CPSF7: variants seen among roughly 807,000 people sequenced by gnomAD.
CPSF7 encodes cleavage and polyadenylation specific factor 7.
Under a neutral mutation model 44.3 loss-of-function variants are expected in CPSF7, and 1 was observed. The ratio of observed to expected loss-of-function variants is 0.02; its 90% CI spans 0.01 to 0.11. The LOEUF is 0.11. Among genes scored for constraint, CPSF7 ranks in the 10% least tolerant of loss-of-function variants. The pLI is 1.00. For missense variants in CPSF7, 443 were observed against 607.2 expected, an observed-to-expected ratio of 0.73 and a Z score of 2.84; for synonymous variants, 202 against 222.0, an observed-to-expected ratio of 0.91 and a Z score of 0.80.
chr11:61,415,926 T>G, intron 6 of CPSF7, 142 bp from the exon 7 acceptor site: 1 of 840,006 alleles, frequency 1.2e-6, no homozygotes, highest in Non-Finnish European at 1.9e-6. Context: ...CGCATTTAAT[T>G]AAGCACCTTA....
intron 2 of CPSF7, chr11:61,426,682 G>A (rs1440959645): frequency 2.0e-5 from 3 of 152,122 alleles, no homozygotes; most frequent in Admixed American, 2.0e-4. Context: ...GAAATGAATG[G>A]CACTATTATC....
intron 1 of CPSF7, 186 bp from the exon 2 acceptor site, chr11:61,429,476 T>G: frequency 4.1e-6 from 2 of 489,794 alleles, no homozygotes; most frequent in Non-Finnish European, 7.0e-6. Context: ...CGGGGGTCGC[T>G]GCCCATCACC....
chr11:61,428,946 T>C (rs1380605660), intron 2 of CPSF7: 2 of 342,856 alleles, frequency 5.8e-6, no homozygotes, highest in African/African-American at 4.2e-5. Flanking sequence ...ACCATTCTAT[T>C]ACACCTGCTT....
intron 9 of CPSF7, among the ~76,000 whole-genome samples, chr11:61,408,724 CCTGT>C (rs1274606146): frequency 6.6e-6 from 1 of 152,156 alleles, no homozygotes; most frequent in East Asian, 1.9e-4. Flanking sequence ...CAATATGGAG[CCTGT>C]CTAAGAATGA....
chr11:61,418,683 T>G (rs1486370282), intron 5 of CPSF7, among the ~76,000 whole-genome samples: 2 of 151,958 alleles, frequency 1.3e-5, no homozygotes, highest in African/African-American at 4.8e-5. Flanking sequence ...TTGGGGAAAC[T>G]GTCCTCAAAC....
chr11:61,419,917 C>T (rs750416578), intron 5 of CPSF7, 32 bp downstream of exon 5: 11 of 1,610,582 alleles, frequency 6.8e-6, no homozygotes, highest in Non-Finnish European at 7.6e-6. Flanking sequence ...ATGGTCTCCA[C>T]GTACCCCCTC....
At position 61,411,894 on chromosome 11, in the gene CPSF7, C is replaced by T. The variant is rs770226551; in HGVS notation, c.1101G>A (p.Ala367=). 38 of 1,614,070 alleles carry T rather than the reference C, an allele frequency of 2.4e-5. No individual in the cohort carries two copies. The highest frequency in any genetic ancestry group is 1.8e-4 in the South Asian group (16 of 91,086). Residue 367 remains alanine (A), a synonymous_variant, in exon 8 of 10, where the codon GCG becomes GCA. Transcript: ENST00000439958. The part of the protein sequence containing the change: ...DAIETLLTAI[A]VIKQSRVAND... ...TGGCAACCCGGGACTGTTTGATAAC[C>T]GCAATGGCTGTGAGCAGCGTCTCAA...
intron 6 of CPSF7, 66 bp from the exon 7 acceptor site, chr11:61,415,850 A>G: frequency 8.3e-7 from 1 of 1,205,990 alleles, no homozygotes. Context: ...ACTCTACAAC[A>G]CTTTGGTAAT....
intron 8 of CPSF7, 128 bp from the exon 9 acceptor site, chr11:61,411,233 G>A: frequency 1.1e-6 from 1 of 913,634 alleles, no homozygotes; most frequent in African/African-American, 1.7e-5. Flanking sequence ...CCTGCTGTCT[G>A]AGGATTTTAG....
intron 2 of CPSF7, chr11:61,426,619 A>C (rs898050734): frequency 6.6e-6 from 1 of 152,186 alleles, no homozygotes; most frequent in Non-Finnish European, 1.5e-5. Flanking sequence ...AATAACTTAT[A>C]CTCTAACAAA....
Position 61,416,132 on chromosome 11 carries a change from G to C in CPSF7, c.911C>G (p.Ala304Gly). 6.6e-7 allele frequency: 1 copy of C among 1,509,506 alleles called. No individual in the cohort carries two copies. The highest frequency in any genetic ancestry group is 1.4e-5 in the South Asian group (1 of 73,544). The allele number at this position is 1,509,506 out of a possible 1,614,324, so 93.5% of individuals were successfully genotyped here. A position where few individuals can be genotyped will look rare whatever the true frequency, so the allele number is the denominator to read the frequency against. Residue 304 changes from alanine to glycine, a missense_variant, in exon 6 of 10, where the codon GCC (alanine) becomes GGC (glycine). Physicochemically the swap from Ala to Gly is moderately conservative, Grantham distance 60 (BLOSUM62 0). Transcript: ENST00000439958. ...VGPPPDTYMK[A>G]SAPYNHHGSR... ...GCCATGGTGGTTATAGGGGGCAGAG[G>C]CCTTCATGTAAGTATCTGGTGGAGG...
intron 9 of CPSF7, among the ~76,000 whole-genome samples, chr11:61,409,969 CA>C (rs145644967): frequency 2.0e-4 from 28 of 143,498 alleles, no homozygotes; most frequent in Admixed American, 3.5e-4. Flanking sequence ...GGCTCTGTCT[CA>C]AAAAAAAAAA....
Position 61,411,902 on chromosome 11 carries a change from C to A in CPSF7, c.1093G>T (p.Ala365Ser). The A allele has an allele frequency of 1.2e-6, 2 of 1,614,202 alleles. No homozygotes were observed. The highest frequency in any genetic ancestry group is 1.7e-6 in the Non-Finnish European group (2 of 1,180,030). Residue 365 changes from alanine (A) to serine (S), a missense_variant, in exon 8 of 10, where the codon GCC (alanine) becomes TCC (serine). Ala to Ser is a moderately conservative substitution (Grantham distance 99). Transcript: ENST00000439958. The stretch of plus-strand genomic sequence containing the variant: ...CGGGACTGTTTGATAACCGCAATGG[C>A]TGTGAGCAGCGTCTCAATTGCGTCA... ...YSDAIETLLT[A>S]IAVIKQSRVA... is the part of the protein sequence containing the mutation.
At chr11:61,405,837 A>T (rs1238740851) in intron 9 of CPSF7, 1 of 152,198 alleles carries the variant, frequency 6.6e-6, no homozygotes, top group East Asian at 1.9e-4. Flanking sequence ...ATATGGCCTA[A>T]GCCTTCCTGG....
intron 1 of CPSF7, 195 bp downstream of exon 1, chr11:61,429,719 G>GC: frequency 6.5e-7 from 1 of 1,531,040 alleles, no homozygotes. Context: ...CCTACTCTTC[G>GC]CCCCCAGCTA....
At chr11:61,429,351 G>A (rs1448140957) in intron 1 of CPSF7, 61 bp from the exon 2 acceptor site, 20 of 1,008,332 alleles carry the variant, frequency 2.0e-5, no homozygotes, top group African/African-American at 3.2e-5. Flanking sequence ...TGGGAAGAGG[G>A]TAATGATTGC....
chr11:61,412,873 T>C (rs574237480), intron 7 of CPSF7, among the ~76,000 whole-genome samples: 2 of 152,356 alleles, frequency 1.3e-5, no homozygotes, highest in East Asian at 3.9e-4. Flanking sequence ...ATAAAAATTA[T>C]ATAAATTGTC....
chr11:61,424,756 T>C (rs559807378), intron 2 of CPSF7, among the ~76,000 whole-genome samples: 2 of 144,096 alleles, frequency 1.4e-5, no homozygotes, highest in South Asian at 4.8e-4. Flanking sequence ...CCCAGCCTTC[T>C]TTTTTTTTAA....
chr11:61,413,299 T>C (rs893529819), intron 7 of CPSF7, among the ~76,000 whole-genome samples: 1 of 152,154 alleles, frequency 6.6e-6, no homozygotes, highest in African/African-American at 2.4e-5. Context: ...ATATATATGA[T>C]ATTTACATAA....
Sources: allele counts gnomAD v4.1 joint callset (sites outside exome capture counted in the v4.1 genomes callset), GRCh38; gene constraint gnomAD v4.1.1; transcripts MANE v1.5; gene names NCBI Gene and HGNC (gene_info 2026-07-23, HGNC 2026-07-21).